TMBIM1: variants seen among roughly 807,000 people sequenced by gnomAD.
The protein encoded by TMBIM1 is protein lifeguard 3.
In TMBIM1, 34 loss-of-function variants were observed where a neutral mutation model predicts 45.1. The ratio of observed to expected loss-of-function variants is 0.75; its 90% CI spans 0.57 to 1.00. The LOEUF is 1.00. TMBIM1 is among the 50% of genes least tolerant of loss of function. The probability of loss-of-function intolerance (pLI) is 0.00; values close to 1 mark genes in which losing one functional copy is unlikely to be tolerated. For missense variants in TMBIM1, 374 were observed against 402.4 expected, an observed-to-expected ratio of 0.93 and a Z score of 0.60; for synonymous variants, 157 against 153.5, an observed-to-expected ratio of 1.02 and a Z score of -0.17.
intron 1 of TMBIM1, among the ~76,000 whole-genome samples, chr2:218,291,854 G>A (rs1281083738): frequency 6.6e-6 from 1 of 152,188 alleles, no homozygotes; most frequent in Admixed American, 6.5e-5. Context: ...CTGGCAGAGG[G>A]CAAAGTCATG....
rs1171084656 is a variant in TMBIM1, at chr2:218,277,010, G to C, written c.729C>G (p.Phe243Leu). The C allele has an allele frequency of 6.2e-7, 1 of 1,613,806 alleles. No homozygotes were observed. The highest frequency in any genetic ancestry group is 8.5e-7 in the Non-Finnish European group (1 of 1,179,724). Residue 243 changes from phenylalanine to leucine, a missense_variant, in exon 10 of 12, where the codon TTC becomes TTG. Phe to Leu is a conservative substitution (Grantham distance 22, BLOSUM62 0). Coordinates refer to ENST00000258412, the MANE Select transcript of TMBIM1 (RefSeq NM_022152.6). ...GCTCTCCTGGGACACTCACGTATTG[G>C]AAGTAGAGCACAATGCTAGTGACAA... is the stretch of plus-strand genomic sequence containing the variant. ...TGIVTSIVLY[F>L]QYVYWLHMLY...
chr2:218,288,466 AACC>A (rs1692703614), intron 1 of TMBIM1, among the ~76,000 whole-genome samples: 1 of 152,136 alleles, frequency 6.6e-6, no homozygotes, highest in Admixed American at 6.5e-5. Context: ...GAAGGAAGGG[AACC>A]ACTTAGAGTA....
At chr2:218,278,660 T>C in intron 5 of TMBIM1, 95 bp from the exon 6 acceptor site, 3 of 1,400,152 alleles carry the variant, frequency 2.1e-6, no homozygotes, top group Non-Finnish European at 3.0e-6. Context: ...AATAGCCGTT[T>C]GGAAGTCTGA....
At chr2:218,284,183 G>C (rs1330842714) in intron 1 of TMBIM1, 2 of 122,752 alleles carry the variant, frequency 1.6e-5, no homozygotes, top group Non-Finnish European at 1.8e-5. Context: ...AAAAAAAAAA[G>C]CACTGGCCGG....
intron 1 of TMBIM1, among the ~76,000 whole-genome samples, chr2:218,284,440 A>G (rs11692780): frequency 0.35 from 53,933 of 152,064 alleles, 9,966 homozygotes; most frequent in Middle Eastern, 0.51. Flanking sequence ...AGACCAAGGG[A>G]CTGTGGCAGC....
intron 1 of TMBIM1, chr2:218,287,356 A>C (rs1033565934): frequency 2.0e-5 from 3 of 152,140 alleles, no homozygotes; most frequent in Non-Finnish European, 2.9e-5. Flanking sequence ...CCCTCTCCCA[A>C]GGAGGGGCCA....
At chr2:218,280,551 G>C (rs1559504064) in intron 2 of TMBIM1, 1 of 241,858 alleles carries the variant, frequency 4.1e-6, no homozygotes, top group African/African-American at 2.3e-5. Context: ...GGTGAAGACA[G>C]GGATCTGCAT....
intron 11 of TMBIM1, 128 bp from the exon 12 acceptor site, chr2:218,275,749 A>C (rs999914857): frequency 2.3e-5 from 27 of 1,169,508 alleles, no homozygotes; most frequent in Non-Finnish European, 3.2e-5. Context: ...CGCACAGCAT[A>C]ACATATGGGC....
chr2:218,290,846 C>T (rs1041374294), intron 1 of TMBIM1, among the ~76,000 whole-genome samples: 4 of 152,246 alleles, frequency 2.6e-5, no homozygotes, highest in Non-Finnish European at 4.4e-5. Flanking sequence ...ATCCCTTCCA[C>T]TGTGTCCCCA....
In TMBIM1 at chr2:218,278,440, CCTT is replaced by C. The variant is rs576713642; in HGVS notation, c.473+72_473+74del. 5.9e-5 allele frequency: 85 copies of C among 1,448,234 alleles called. No homozygotes were observed. The African/African-American group carries it at 9.1e-4, about 15-fold the overall frequency. The allele number at this position is 1,448,234 out of a possible 1,614,324, so 89.7% of individuals were successfully genotyped here. A position where few individuals can be genotyped will look rare whatever the true frequency, so the allele number is the denominator to read the frequency against. On this transcript the variant is annotated intron_variant, in intron 6 of 11. Coordinates refer to ENST00000258412, the MANE Select transcript of TMBIM1 (RefSeq NM_022152.6). The stretch of plus-strand genomic sequence containing the variant: ...TTCCATTCAGCTGCTATAAAGGAAT[CCTT>C]CTTTCCAAAATACTCGGCCCCCATC...
In TMBIM1 at chr2:218,275,618, G is replaced by A. The variant is rs999545271; in HGVS notation, c.793C>T (p.Leu265=). Residue 265 remains leucine, a synonymous_variant, in exon 12 of 12, where the codon CTG becomes TTG. Transcript: ENST00000258412. The stretch of plus-strand genomic sequence containing the variant: ...AGGACCAGCTGTGTGTCGTAAGCCA[G>A]GAACTGCAAGGATAGGGAAGCCAGA... ...ALGAICFTLF[L]AYDTQLVLGN... 3.1e-6 allele frequency: 5 copies of A among 1,609,532 alleles called. No homozygotes were observed. The African/African-American group carries it at 5.4e-5, about 17-fold the overall frequency.
At position 218,284,168 on chromosome 2, in the gene TMBIM1, G is replaced by GA. The variant is rs71064427; in HGVS notation, c.-40-1988dup. ...AACAGAGTGAGACTCCATCTCAAAA[G>GA]AAAAAAAAAAAAAAGCACTGGCCGG... On this transcript the variant is annotated intron_variant, in intron 1 of 11. Transcript: ENST00000258412. 164 of 128,972 alleles carry GA rather than the reference G, an allele frequency of 1.3e-3. 1 individual carries two copies. The highest frequency in any genetic ancestry group is 2.1e-3 in the East Asian group (9 of 4,366). 8.0% of individuals were successfully genotyped at this position (128,972 alleles called of 1,614,324 possible).
At chr2:218,280,785 C>G (rs1473103188) in intron 2 of TMBIM1, 1 of 150,612 alleles carries the variant, frequency 6.6e-6, no homozygotes, top group Non-Finnish European at 1.5e-5. Context: ...ACTCACTGCA[C>G]TCTAACTTCA....
intron 9 of TMBIM1, 77 bp downstream of exon 9, chr2:218,277,289 A>G (rs1691315454): frequency 3.7e-6 from 5 of 1,347,162 alleles, no homozygotes; most frequent in African/African-American, 1.4e-5. Context: ...TCTAGGGAAC[A>G]TCCCTAGTGT....
chr2:218,277,683 G>A lies in TMBIM1; in HGVS notation c.514-13C>T. The A allele has an allele frequency of 6.2e-7, 1 of 1,614,142 alleles. No homozygotes were observed. Among genetic ancestry groups the A allele is most frequent in the Non-Finnish European group, 8.5e-7 (1 of 1,179,994 alleles). ...CCATGGCAAAAGTCTAAGGGAAGGA[G>A]AGAGACAAGAATGAAACACTTAAAA... On this transcript the variant is annotated splice_polypyrimidine_tract_variant and intron_variant, in intron 7 of 11. Transcript: ENST00000258412.
chr2:218,276,006 A>C lies in TMBIM1; in HGVS notation c.789+20T>G, dbSNP rs1267283495. ...CCTCATCCCCTCAGCTCCCCTTCCTAGAGTGGGGCTGGGACTTACCAGGGT... is the reference window on the plus strand; with the variant it reads ...CCTCATCCCCTCAGCTCCCCTTCCTCGAGTGGGGCTGGGACTTACCAGGGT... On this transcript the variant is annotated intron_variant, in intron 11 of 11. Transcript: ENST00000258412. The C allele has an allele frequency of 6.2e-7, 1 of 1,607,730 alleles. No individual in the cohort carries two copies. Among genetic ancestry groups the C allele is most frequent in the Non-Finnish European group, 8.5e-7 (1 of 1,177,124 alleles).
At chr2:218,276,935 G>T in intron 10 of TMBIM1, 69 bp downstream of exon 10, 1 of 1,368,830 alleles carries the variant, frequency 7.3e-7, no homozygotes, top group Non-Finnish European at 1.0e-6. Context: ...GGGCCTGCGA[G>T]ACCATGCTAT....
At chr2:218,277,585 C>A (rs1691355714) in intron 8 of TMBIM1, 48 bp downstream of exon 8, 1 of 1,613,436 alleles carries the variant, frequency 6.2e-7, no homozygotes, top group South Asian at 1.1e-5. Context: ...ACACCCCACT[C>A]CCCACAATAC....
intron 1 of TMBIM1, chr2:218,284,115 G>C (rs1208041407): frequency 6.7e-6 from 1 of 149,088 alleles, no homozygotes; most frequent in Non-Finnish European, 1.5e-5. Flanking sequence ...GGTGAGCTGA[G>C]ATCGCGCCAC....
Sources: allele counts gnomAD v4.1 joint callset (sites outside exome capture counted in the v4.1 genomes callset), GRCh38; gene constraint gnomAD v4.1.1; transcripts MANE v1.5; gene names NCBI Gene and HGNC (gene_info 2026-07-23, HGNC 2026-07-21).